Variants in CD46 observed in about 807,000 individuals in gnomAD.
CD46 encodes CD46 molecule.
Under a neutral mutation model 53.3 loss-of-function variants are expected in CD46, and 30 were observed. The ratio of observed to expected loss-of-function variants is 0.56; its 90% CI spans 0.42 to 0.76. The LOEUF is 0.76. Ranked by LOEUF, CD46 falls within the 30% of genes least tolerant of loss-of-function variation. CD46 has a pLI of 0.00. For missense variants in CD46, 409 were observed against 463.0 expected, an observed-to-expected ratio of 0.88 and a Z score of 1.07; for synonymous variants, 142 against 152.0, an observed-to-expected ratio of 0.93 and a Z score of 0.48.
intron 7 of CD46, 180 bp downstream of exon 7, chr1:207,768,003 G>T: frequency 1.6e-6 from 1 of 607,178 alleles, no homozygotes; most frequent in Non-Finnish European, 2.9e-6. Context: ...GCCATAATCT[G>T]ATATAAACAG....
chr1:207,753,455 T>A (rs1161606330), intron 1 of CD46, among the ~76,000 whole-genome samples: 1 of 152,200 alleles, frequency 6.6e-6, no homozygotes, highest in Non-Finnish European at 1.5e-5. Flanking sequence ...TGATTGCCTG[T>A]GCCCAGGAGT....
At chr1:207,754,953 T>TAAA (rs5780402) in intron 1 of CD46, among the ~76,000 whole-genome samples, 121 of 133,090 alleles carry the variant, frequency 9.1e-4, no homozygotes, top group African/African-American at 2.8e-3. Context: ...ACAAAACATG[T>TAAA]AAAAAAAAAA....
chr1:207,782,497 C>G (rs1038624229), intron 8 of CD46, among the ~76,000 whole-genome samples: 1 of 152,028 alleles, frequency 6.6e-6, no homozygotes, highest in Non-Finnish European at 1.5e-5. Context: ...CTGTCTTGTT[C>G]CTGATCTTAG....
intron 11 of CD46, among the ~76,000 whole-genome samples, chr1:207,789,144 T>G (rs571163330): frequency 1.1e-3 from 169 of 152,240 alleles, no homozygotes; most frequent in African/African-American, 3.8e-3. Context: ...TAAGTAATGG[T>G]TTTTTTTAAA....
chr1:207,755,193 T>A (rs188678488), intron 1 of CD46, among the ~76,000 whole-genome samples: 1 of 151,742 alleles, frequency 6.6e-6, no homozygotes, highest in East Asian at 1.9e-4. Context: ...AAGAAGATAA[T>A]GAAAGCGATT....
chr1:207,774,208 C>CT (rs144357038), intron 8 of CD46, among the ~76,000 whole-genome samples: 66 of 148,320 alleles, frequency 4.4e-4, no homozygotes, highest in African/African-American at 1.4e-3. Flanking sequence ...ATTGCAACCC[C>CT]TTTTTTTTTT....
intron 3 of CD46, among the ~76,000 whole-genome samples, chr1:207,758,812 C>T (rs956816813): frequency 1.3e-5 from 2 of 151,966 alleles, no homozygotes; most frequent in Non-Finnish European, 2.9e-5. Flanking sequence ...CTAGGCACAC[C>T]GAGGGATACC....
At position 207,795,372 on chromosome 1, in the gene CD46, G is replaced by A. The variant is rs1660166757; in HGVS notation, c.*1895G>A. 6.6e-6 allele frequency: 1 copy of A among 152,156 alleles called. No individual in the cohort carries two copies. The highest frequency in any genetic ancestry group is 2.1e-4 in the South Asian group (1 of 4,828). The allele number at this position is 152,156 out of a possible 1,614,324, so 9.4% of individuals were successfully genotyped here. On this transcript the variant is annotated 3_prime_UTR_variant, in exon 13 of 13. Coordinates refer to ENST00000367042, the MANE Select transcript of CD46 (RefSeq NM_172351.3). Reference sequence around the variant, plus strand: ...TTGTTTAAATGACAGAAGCGTATATGAATTCAAGAAAATTTAAGCTGCAAA... The same window carrying A: ...TTGTTTAAATGACAGAAGCGTATATAAATTCAAGAAAATTTAAGCTGCAAA...
chr1:207,762,184 T>G (rs1233479418), intron 5 of CD46, among the ~76,000 whole-genome samples: 1 of 152,204 alleles, frequency 6.6e-6, no homozygotes, highest in African/African-American at 2.4e-5. Context: ...AAAGAAGTAG[T>G]CAGCAGGGAG....
chr1:207,788,636 C>T (rs1435106554), intron 11 of CD46, among the ~76,000 whole-genome samples: 1 of 152,178 alleles, frequency 6.6e-6, no homozygotes. Context: ...CTTATAAAGA[C>T]TATAAAATGT....
intron 9 of CD46, 148 bp from the exon 10 acceptor site, chr1:207,784,923 A>C: frequency 4.3e-6 from 3 of 694,318 alleles, no homozygotes; most frequent in African/African-American, 1.8e-5. Context: ...CCCTCCCACA[A>C]CACGTGGGGA....
intron 5 of CD46, chr1:207,763,063 T>G (rs1212468408): frequency 6.6e-6 from 1 of 152,360 alleles, no homozygotes; most frequent in Non-Finnish European, 1.5e-5. Context: ...AAACCCCAGT[T>G]TGCATGGAAG....
chr1:207,778,109 C>A (rs41317843), intron 8 of CD46, among the ~76,000 whole-genome samples: 1 of 152,072 alleles, frequency 6.6e-6, no homozygotes, highest in Non-Finnish European at 1.5e-5. Flanking sequence ...TGTCTGTTCA[C>A]GTGCTTTGCC....
chr1:207,766,629 T>A (rs1656878223), intron 5 of CD46, among the ~76,000 whole-genome samples: 1 of 152,020 alleles, frequency 6.6e-6, no homozygotes, highest in Non-Finnish European at 1.5e-5. Flanking sequence ...TATTAAAATT[T>A]ACCACCACCA....
At position 207,767,205 on chromosome 1, in the gene CD46, TTA is replaced by T; in HGVS notation, c.856+12_856+13del. 1 of 1,607,482 alleles carries T rather than the reference TTA, an allele frequency of 6.2e-7. No individual in the cohort carries two copies. Among genetic ancestry groups the T allele is most frequent in the Non-Finnish European group, 8.5e-7 (1 of 1,173,936 alleles). On this transcript the variant is annotated intron_variant, in intron 6 of 12. Transcript: ENST00000367042. ...CCAAAGTGTCTTAAAGGTACAAAGGTTATCTTTTTTCTGTCTTGGTTTGTTAT... is the reference window on the plus strand; with the variant it reads ...CCAAAGTGTCTTAAAGGTACAAAGGTTCTTTTTTCTGTCTTGGTTTGTTAT...
chr1:207,778,062 A>G (rs1159153215), intron 8 of CD46, among the ~76,000 whole-genome samples: 1 of 151,960 alleles, frequency 6.6e-6, no homozygotes. Context: ...TTTCTTCTGT[A>G]TGTTTTTTGG....
intron 3 of CD46, among the ~76,000 whole-genome samples, chr1:207,758,594 C>T (rs1558046398): frequency 6.6e-6 from 1 of 152,174 alleles, no homozygotes; most frequent in East Asian, 1.9e-4. Flanking sequence ...CCCACCACCT[C>T]TCAATGCTGT....
At chr1:207,756,549 A>G (rs1425019568) in intron 1 of CD46, among the ~76,000 whole-genome samples, 1 of 152,194 alleles carries the variant, frequency 6.6e-6, no homozygotes, top group Admixed American at 6.5e-5. Flanking sequence ...AAAGAAGAAC[A>G]TGGTTCTTGA....
intron 8 of CD46, 37 bp from the exon 9 acceptor site, chr1:207,783,255 T>C (rs752709573): frequency 1.3e-5 from 15 of 1,122,528 alleles, no homozygotes; most frequent in Non-Finnish European, 2.0e-5. Context: ...CTTTCCTTCT[T>C]TTATTAATTT....
Sources: allele counts gnomAD v4.1 joint callset (sites outside exome capture counted in the v4.1 genomes callset), GRCh38; gene constraint gnomAD v4.1.1; transcripts MANE v1.5; gene names NCBI Gene and HGNC (gene_info 2026-07-23, HGNC 2026-07-21).